Variants in MME observed in about 807,000 individuals in gnomAD.
MME encodes membrane metalloendopeptidase, also known as neprilysin.
MME carries 98 observed loss-of-function variants against 113.2 expected under a neutral mutation model. That is an observed-to-expected ratio of 0.87 (90% CI 0.74 to 1.02). The LOEUF is 1.02. Among genes scored for constraint, MME ranks in the 50% least tolerant of loss-of-function variants. The pLI is 0.00. For synonymous variants in MME, 292 were observed against 300.6 expected (o/e 0.97, Z 0.30); for missense variants, 836 against 896.0 (o/e 0.93, Z 0.86).
At chr3:155,027,688 A>T (rs1417172021) in intron 1 of MME, among the ~76,000 whole-genome samples, 3 of 152,208 alleles carry the variant, frequency 2.0e-5, no homozygotes, top group African/African-American at 7.2e-5. Flanking sequence ...GCTTAGATAG[A>T]ATTTTAGCAT....
chr3:155,154,324 G>T (rs1722159476), intron 16 of MME, among the ~76,000 whole-genome samples: 1 of 152,136 alleles, frequency 6.6e-6, no homozygotes, highest in Non-Finnish European at 1.5e-5. Flanking sequence ...CACCAAAAAT[G>T]GCAGAGCAGT....
In MME at chr3:155,116,570, T is replaced by C; in HGVS notation, c.439+11T>C. 6.5e-7 allele frequency: 1 copy of C among 1,538,208 alleles called. No individual in the cohort carries two copies. ...CTTGTATAAATGAATGTAAGTGCTC[T>C]TCATTTGATTTCATTAGGAGTATAT... On this transcript the variant is annotated intron_variant, in intron 5 of 22. Transcript: ENST00000360490.
At chr3:155,083,449 A>AT (rs1359717838) in intron 1 of MME, 1 of 152,406 alleles carries the variant, frequency 6.6e-6, no homozygotes, top group Non-Finnish European at 1.5e-5. Context: ...TTGTTTACTT[A>AT]TCCCCCTTAC....
Position 155,182,275 on chromosome 3 carries a change from T to G in MME, c.*1816T>G, listed in dbSNP as rs1713168831. 3 of 152,334 alleles carry G rather than the reference T, an allele frequency of 2.0e-5. No homozygotes were observed. Among genetic ancestry groups the G allele is most frequent in the African/African-American group, 7.2e-5 (3 of 41,574 alleles). The allele number at this position is 152,334 out of a possible 1,614,324, so 9.4% of individuals were successfully genotyped here. On this transcript the variant is annotated 3_prime_UTR_variant, in exon 23 of 23. Transcript: ENST00000360490. Reference sequence around the variant, plus strand: ...TTTTCATTCTCATTGCAGAATAATGTTCTATTGTGGGACTTATTACAATTT... The same window carrying G: ...TTTTCATTCTCATTGCAGAATAATGGTCTATTGTGGGACTTATTACAATTT...
Position 155,108,894 on chromosome 3 carries a change from T to A in MME, c.197-6100T>A, listed in dbSNP as rs1031921180. On this transcript the variant is annotated intron_variant, in intron 3 of 22. Transcript: ENST00000360490. ...ATTGGTAATGTTGGAAAGCAAGGCA[T>A]CCAGATAAGAAAGGGGAGATCTTGT... Among the ~76,000 whole-genome samples, 4 of 152,128 alleles carry A rather than the reference T, an allele frequency of 2.6e-5. No homozygotes were observed. The East Asian group carries it at 7.7e-4, about 29-fold the overall frequency.
chr3:155,087,910 G>A (rs751033519), intron 3 of MME, among the ~76,000 whole-genome samples: 14 of 152,188 alleles, frequency 9.2e-5, no homozygotes, highest in Non-Finnish European at 1.6e-4. Context: ...TGTTTGGCAA[G>A]TCTCAACTCA....
intron 1 of MME, among the ~76,000 whole-genome samples, chr3:155,042,912 A>ATG (rs1174340273): frequency 4.5e-3 from 192 of 43,038 alleles, no homozygotes; most frequent in Admixed American, 9.3e-3. Context: ...ATATATATAT[A>ATG]TATATATATA....
At chr3:155,042,344 C>A (rs1451490554) in intron 1 of MME, among the ~76,000 whole-genome samples, 1 of 152,052 alleles carries the variant, frequency 6.6e-6, no homozygotes, top group Non-Finnish European at 1.5e-5. Context: ...TTTAACAAAA[C>A]CAGTAAGACA....
At chr3:155,035,985 A>G (rs113733274) in intron 1 of MME, among the ~76,000 whole-genome samples, 4,061 of 152,256 alleles carry the variant, frequency 0.027, 83 homozygotes, top group South Asian at 0.089. Flanking sequence ...CCAGGCAAAA[A>G]TGATGGTACC....
chr3:155,154,911 C>A (rs1722205030), intron 16 of MME, among the ~76,000 whole-genome samples: 1 of 152,108 alleles, frequency 6.6e-6, no homozygotes, highest in Non-Finnish European at 1.5e-5. Flanking sequence ...CAAGTATTAG[C>A]CAGAAAGAAG....
chr3:155,044,125 CTT>C (rs5853709), intron 1 of MME, among the ~76,000 whole-genome samples: 5,747 of 88,828 alleles, frequency 0.065, 26 homozygotes, highest in South Asian at 0.11. Flanking sequence ...CTTCCTTTTT[CTT>C]TTTTTTTTTT....
intron 21 of MME, 76 bp from the exon 22 acceptor site, chr3:155,172,460 C>T: frequency 5.1e-6 from 6 of 1,167,526 alleles, no homozygotes; most frequent in East Asian, 2.3e-5. Context: ...TTTTCTCCTT[C>T]CCCTCAACTT....
intron 1 of MME, among the ~76,000 whole-genome samples, chr3:155,025,047 C>T (rs913023696): frequency 8.5e-5 from 13 of 152,266 alleles, no homozygotes; most frequent in South Asian, 2.1e-4. Context: ...AAGTCTGTCT[C>T]GCAGAAAGAT....
intron 8 of MME, among the ~76,000 whole-genome samples, chr3:155,119,458 G>C (rs1472920327): frequency 7.3e-6 from 1 of 137,178 alleles, no homozygotes; most frequent in Admixed American, 7.7e-5. Flanking sequence ...GGGTACATGT[G>C]CACATTGTGC....
intron 3 of MME, among the ~76,000 whole-genome samples, chr3:155,089,370 A>G (rs1028233644): frequency 6.6e-6 from 1 of 152,230 alleles, no homozygotes; most frequent in Non-Finnish European, 1.5e-5. Flanking sequence ...TGTGCTTTAA[A>G]TCAGGGTTTC....
At chr3:155,029,902 T>C (rs1712912498) in intron 1 of MME, among the ~76,000 whole-genome samples, 1 of 152,302 alleles carries the variant, frequency 6.6e-6, no homozygotes, top group Admixed American at 6.5e-5. Flanking sequence ...ATGACACATA[T>C]AAATATATAG....
chr3:155,049,085 A>G (rs1255871574), intron 1 of MME, among the ~76,000 whole-genome samples: 9 of 151,810 alleles, frequency 5.9e-5, no homozygotes, highest in Admixed American at 3.9e-4. Flanking sequence ...TTTTATTTCA[A>G]TTTTACTGAA....
At position 155,085,040 on chromosome 3, in the gene MME, TA is replaced by T. The variant is rs1465706845; in HGVS notation, c.161-18del. 6.4e-7 allele frequency: 1 copy of T among 1,558,930 alleles called. No individual in the cohort carries two copies. Reference sequence around the variant, plus strand: ...AATTTGTGTTGCCAATATTTATGTATATTCTCTCCTTTTTCTAGATGGTATT... The same window carrying T: ...AATTTGTGTTGCCAATATTTATGTATTTCTCTCCTTTTTCTAGATGGTATT... On this transcript the variant is annotated intron_variant, in intron 2 of 22. Transcript: ENST00000360490.
At position 155,181,341 on chromosome 3, in the gene MME, T is replaced by C. The variant is rs1210826267; in HGVS notation, c.*882T>C. ...ATATACAGATGAAAATTTGAGACTA[T>C]TTAAACTTATAAATCATATTGATGA... On this transcript the variant is annotated 3_prime_UTR_variant, in exon 23 of 23. Transcript: ENST00000360490. The C allele has an allele frequency of 1.3e-5, 2 of 152,142 alleles. No individual in the cohort carries two copies. The highest frequency in any genetic ancestry group is 2.9e-5 in the Non-Finnish European group (2 of 68,026). The allele number at this position is 152,142 out of a possible 1,614,324, so 9.4% of individuals were successfully genotyped here.
Sources: gnomAD v4.1 joint callset for allele counts (sites outside exome capture counted in the v4.1 genomes callset) on GRCh38, gnomAD v4.1.1 for gene constraint, MANE v1.5 for transcripts, NCBI Gene and HGNC (gene_info 2026-07-23, HGNC 2026-07-21) for gene names.